The following THOC6 variants were observed in gnomAD, a reference collection of about 807,000 sequenced individuals.
THOC6 encodes the protein THO complex subunit 6.
In THOC6, 39 loss-of-function variants were observed where a neutral mutation model predicts 55.8. That is an observed-to-expected ratio of 0.70 (90% confidence interval 0.54 to 0.91). THOC6 has a LOEUF of 0.91. Among genes scored for constraint, THOC6 ranks in the 40% least tolerant of loss-of-function variants. THOC6 has a pLI of 0.00. For missense variants in THOC6, 482 were observed against 442.0 expected, an observed-to-expected ratio of 1.09 and a Z score of -0.81; for synonymous variants, 192 against 175.6, an observed-to-expected ratio of 1.09 and a Z score of -0.74.
chr16:3,025,573 G>A, intron 1 of THOC6, 135 bp from the exon 2 acceptor site: 1 of 741,290 alleles, frequency 1.3e-6, no homozygotes, highest in Non-Finnish European at 2.3e-6. Context: ...CTGGCTTGGG[G>A]CGGGGCCGCC....
At chr16:3,025,023 A>G (rs1184876595) in intron 1 of THOC6, among the ~76,000 whole-genome samples, 1 of 145,100 alleles carries the variant, frequency 6.9e-6, no homozygotes, top group Non-Finnish European at 1.5e-5. Context: ...GTTCACCGCA[A>G]CCTCCGCCTC....
chr16:3,025,402 T>C (rs963743129), intron 1 of THOC6, among the ~76,000 whole-genome samples: 1 of 152,156 alleles, frequency 6.6e-6, no homozygotes, highest in Non-Finnish European at 1.5e-5. Context: ...ATACACTAGC[T>C]CATCTAATTG....
Position 3,026,904 on chromosome 16 carries a change from C to A in THOC6, c.624C>A (p.Val208=), listed in dbSNP as rs374622482. ...RTAKEVQTIE[V]YKHEECSRPH... is the part of the protein sequence containing the mutation. ...CCAAGGAGGTCCAGACGATCGAGGT[C>A]TATAAGCACGAGGTGAGGGTGTGAC... The change falls in exon 9 of 13, where the codon GTC becomes GTA. Residue 208 remains valine (V), a synonymous_variant. Transcript: ENST00000326266. The A allele has an allele frequency of 1.2e-5, 19 of 1,614,092 alleles. No homozygotes were observed. Among genetic ancestry groups the A allele is most frequent in the South Asian group, 3.3e-5 (3 of 91,088 alleles).
chr16:3,026,356 C>T lies in THOC6; in HGVS notation c.363-9C>T. 1 of 1,614,064 alleles carries T rather than the reference C, an allele frequency of 6.2e-7. No individual in the cohort carries two copies. Among genetic ancestry groups the T allele is most frequent in the Non-Finnish European group, 8.5e-7 (1 of 1,180,024 alleles). On this transcript the variant is annotated splice_polypyrimidine_tract_variant and intron_variant, in intron 5 of 12. Transcript: ENST00000326266. ...CACTTCCTCACTGACCTTGCCTTTC[C>T]TTCCCCAGGACCAGCCTGGAAGTGC... is the stretch of plus-strand genomic sequence containing the variant.
rs866625583 is a variant in THOC6 at position 3,025,580 on chromosome 16, C to T, written c.40-128C>T. The T allele has an allele frequency of 6.9e-5, 55 of 794,352 alleles. 1 individual carries two copies. The Middle Eastern group carries it at 2.5e-3, about 36-fold the overall frequency. 49.2% of individuals were successfully genotyped at this position (794,352 alleles called of 1,614,324 possible). On this transcript the variant is annotated intron_variant, in intron 1 of 12. Transcript: ENST00000326266. Reference sequence around the variant, plus strand: ...GGCAGGTGCTGGCTTGGGGCGGGGCCGCCTCAAAAGAAGGCTGAGAAGTCA... The same window carrying T: ...GGCAGGTGCTGGCTTGGGGCGGGGCTGCCTCAAAAGAAGGCTGAGAAGTCA...
In THOC6 at chr16:3,024,108, G is replaced by T. The variant is rs1055227480; in HGVS notation, c.-219G>T. 1.4e-6 allele frequency: 1 copy of T among 713,854 alleles called. No homozygotes were observed. Among genetic ancestry groups the T allele is most frequent in the South Asian group, 1.8e-5 (1 of 54,694 alleles). 44.2% of individuals were successfully genotyped at this position (713,854 alleles called of 1,614,324 possible). ...GAAGGCAGGCTTGCTCCTCGGGGTG[G>T]GGGAGGGTATCCGGCTTAAGGGGGC... On this transcript the variant is annotated 5_prime_UTR_variant, in exon 1 of 13. Coordinates refer to ENST00000326266, the MANE Select transcript of THOC6 (RefSeq NM_024339.5).
Position 3,026,430 on chromosome 16 carries a change from A to T in THOC6, c.411+17A>T, listed in dbSNP as rs1455439289. 1 of 1,613,978 alleles carries T rather than the reference A, an allele frequency of 6.2e-7. No individual in the cohort carries two copies. The highest frequency in any genetic ancestry group is 2.2e-5 in the East Asian group (1 of 44,882). Reference sequence around the variant, plus strand: ...GTCCCCAAGGTCTGAGCCCCATGTGACTGTTCTTGGTCCAAACTTTGATCC... The same window carrying T: ...GTCCCCAAGGTCTGAGCCCCATGTGTCTGTTCTTGGTCCAAACTTTGATCC... On this transcript the variant is annotated intron_variant, in intron 6 of 12. Transcript: ENST00000326266.
At position 3,026,533 on chromosome 16, in the gene THOC6, G is replaced by T. The variant is rs2072798489; in HGVS notation, c.429G>T (p.Leu143=). The change falls in exon 7 of 13, where the codon CTG becomes CTT. Residue 143 remains leucine, a synonymous_variant. Coordinates refer to ENST00000326266, the MANE Select transcript of THOC6 (RefSeq NM_024339.5). ...CTCCACAGGAGAATTCCCTCATCCT[G>T]GCTGGGGGAGACTGTCAGTTGCACA... ...LLVPKENSLI[L]AGGDCQLHTM... 1 of 1,614,018 alleles carries T rather than the reference G, an allele frequency of 6.2e-7. No homozygotes were observed. Among genetic ancestry groups the T allele is most frequent in the Non-Finnish European group, 8.5e-7 (1 of 1,180,036 alleles).
At chr16:3,027,143 G>C in intron 10 of THOC6, 27 bp from the exon 11 acceptor site, 1 of 1,614,174 alleles carries the variant, frequency 6.2e-7, no homozygotes, top group South Asian at 1.1e-5. Flanking sequence ...GTGGTTCACA[G>C]CTGGGGACTC....
chr16:3,027,468 C>T lies in THOC6; in HGVS notation c.913C>T (p.Leu305Phe). 1 of 1,610,646 alleles carries T rather than the reference C, an allele frequency of 6.2e-7. No individual in the cohort carries two copies. The highest frequency in any genetic ancestry group is 8.5e-7 in the Non-Finnish European group (1 of 1,178,366). ...CTCCCCAGGGCTGCTCAGCCTCAGC[C>T]TCAACCAGCAGCCTGCCGCGCCTGA... ...GSSPGLLSLS[L>F]NQQPAAPECK... is the part of the protein sequence containing the mutation. The change falls in exon 12 of 13, where the codon CTC (leucine) becomes TTC (phenylalanine). Residue 305 changes from leucine to phenylalanine, a missense_variant. Coordinates refer to ENST00000326266, the MANE Select transcript of THOC6 (RefSeq NM_024339.5).
rs552599710 is a variant in THOC6, at chr16:3,026,747, G to A, written c.552G>A (p.Leu184=). 1.2e-6 allele frequency: 2 copies of A among 1,613,942 alleles called. No homozygotes were observed. Among genetic ancestry groups the A allele is most frequent in the Admixed American group, 1.7e-5 (1 of 60,002 alleles). Residue 184 remains leucine (L), a synonymous_variant, in exon 8 of 13, where the codon CTG becomes CTA. Transcript: ENST00000326266. ...TGCGGGAAAGGAGCCCAGAGGTGCTGTCAGGTGGCGAGGATGGAGCTGTTC... is the reference window on the plus strand; with the variant it reads ...TGCGGGAAAGGAGCCCAGAGGTGCTATCAGGTGGCGAGGATGGAGCTGTTC... ...LALRERSPEV[L]SGGEDGAVRL... is the part of the protein sequence containing the mutation.
intron 1 of THOC6, among the ~76,000 whole-genome samples, chr16:3,025,178 G>C (rs1165979542): frequency 6.6e-6 from 1 of 152,000 alleles, no homozygotes; most frequent in African/African-American, 2.4e-5. Flanking sequence ...CTGACCTCAG[G>C]TGGTCCACCT....
chr16:3,026,559 C>A lies in THOC6; in HGVS notation c.455C>A (p.Thr152Asn), dbSNP rs747276336. The change falls in exon 7 of 13, where the codon ACT (threonine) becomes AAT (asparagine). Residue 152 changes from threonine (T) to asparagine (N), a missense_variant. Coordinates refer to ENST00000326266, the MANE Select transcript of THOC6 (RefSeq NM_024339.5). ...GCTGGGGGAGACTGTCAGTTGCACA[C>A]TATGGACCTTGAAACTGGGACTTTC... ...ILAGGDCQLH[T>N]MDLETGTFTR... 1 of 1,614,016 alleles carries A rather than the reference C, an allele frequency of 6.2e-7. No individual in the cohort carries two copies. The highest frequency in any genetic ancestry group is 1.7e-5 in the Admixed American group (1 of 59,982).
Position 3,024,333 on chromosome 16 carries a change from C to A in THOC6, c.7C>A (p.Arg3=). ME[R]AVPLAVPLGQ... ...GGGACTTGTAGTTCTGGAGATGGAGCGAGCTGTGCCGCTCGCGGTGCCTCT... is the reference window on the plus strand; with the variant it reads ...GGGACTTGTAGTTCTGGAGATGGAGAGAGCTGTGCCGCTCGCGGTGCCTCT... Residue 3 remains arginine, a synonymous_variant, in exon 1 of 13, where the codon CGA becomes AGA. Transcript: ENST00000326266. 6.2e-7 allele frequency: 1 copy of A among 1,614,106 alleles called. No individual in the cohort carries two copies. The highest frequency in any genetic ancestry group is 8.5e-7 in the Non-Finnish European group (1 of 1,180,004).
rs377022702 is a variant in THOC6 at position 3,026,992 on chromosome 16, C to T, written c.637-19C>T. 1.5e-5 allele frequency: 24 copies of T among 1,614,094 alleles called. No homozygotes were observed. In the African/African-American group the frequency reaches 2.5e-4, roughly 17 times the overall value. ...TCTCCAGGTCTTCACCTCTTTCCCT[C>T]CTCCCCTCCCCATCCCAGGAGTGCT... is the stretch of plus-strand genomic sequence containing the variant. On this transcript the variant is annotated intron_variant, in intron 9 of 12. Coordinates refer to ENST00000326266, the MANE Select transcript of THOC6 (RefSeq NM_024339.5).
rs1032078039 is a variant in THOC6 at position 3,027,450 on chromosome 16, G to A, written c.895G>A (p.Gly299Arg). ...LKAQVPGSSPGLLSLSLNQQP... is the reference protein window; with the variant it reads ...LKAQVPGSSPRLLSLSLNQQP... ...GGCCCAGGTGCCTGGCTCCTCCCCA[G>A]GGCTGCTCAGCCTCAGCCTCAACCA... is the stretch of plus-strand genomic sequence containing the variant. The change falls in exon 12 of 13, where the codon GGG becomes AGG. Residue 299 changes from glycine to arginine, a missense_variant. By Grantham distance (125) the Gly-to-Arg change is moderately radical. Coordinates refer to ENST00000326266, the MANE Select transcript of THOC6 (RefSeq NM_024339.5). 2 of 1,611,090 alleles carry A rather than the reference G, an allele frequency of 1.2e-6. No homozygotes were observed. The highest frequency in any genetic ancestry group is 1.1e-5 in the South Asian group (1 of 90,990).
At chr16:3,026,221 T>A in intron 4 of THOC6, 30 bp from the exon 5 acceptor site, 1 of 1,614,140 alleles carries the variant, frequency 6.2e-7, no homozygotes, top group Non-Finnish European at 8.5e-7. Context: ...AGAGAGCCTT[T>A]GAGGTCACCT....
At chr16:3,025,900 G>C in intron 2 of THOC6, 24 bp from the exon 3 acceptor site, 1 of 1,614,206 alleles carries the variant, frequency 6.2e-7, no homozygotes, top group Non-Finnish European at 8.5e-7. Context: ...TCTGACTCCT[G>C]GGTCCCCTCC....
At position 3,027,709 on chromosome 16, in the gene THOC6, CTTTTTTTTTT is replaced by C. The variant is rs56382043; in HGVS notation, c.*60_*69del. ...AGGGTTTTAGAGTGTTTTTCATTTTCTTTTTTTTTTTTTTTTTACAATAAAGTTTCAGGCT... is the reference window on the plus strand; with the variant it reads ...AGGGTTTTAGAGTGTTTTTCATTTTCTTTTTTTACAATAAAGTTTCAGGCT... On this transcript the variant is annotated 3_prime_UTR_variant, in exon 13 of 13. Transcript: ENST00000326266. 1.8e-5 allele frequency: 24 copies of C among 1,350,508 alleles called. No individual in the cohort carries two copies. The Admixed American group carries it at 2.5e-4, about 14-fold the overall frequency. The allele number at this position is 1,350,508 out of a possible 1,614,324, so 83.7% of individuals were successfully genotyped here. A position where few individuals can be genotyped will look rare whatever the true frequency, so the allele number is the denominator to read the frequency against.
Sources: gnomAD v4.1 joint callset for allele counts (sites outside exome capture counted in the v4.1 genomes callset) on GRCh38, gnomAD v4.1.1 for gene constraint, MANE v1.5 for transcripts, NCBI Gene and HGNC (gene_info 2026-07-23, HGNC 2026-07-21) for gene names.